CNTN4: variants seen among roughly 807,000 people sequenced by gnomAD.
CNTN4 encodes contactin-4.
CNTN4 carries 77 observed loss-of-function variants against 122.5 expected under a neutral mutation model. The observed-to-expected ratio is 0.63, with a 90% CI of 0.52 to 0.76. The LOEUF is 0.76. Ranked by LOEUF, CNTN4 falls within the 30% of genes least tolerant of loss-of-function variation. CNTN4 has a pLI of 0.00. For synonymous variants in CNTN4, 512 were observed against 447.0 expected, an observed-to-expected ratio of 1.15 and a Z score of -1.83; for missense variants, 1,256 against 1,259.1, an observed-to-expected ratio of 1.00 and a Z score of 0.04.
chr3:2,783,159 C>G (rs1559499182), intron 6 of CNTN4, among the ~76,000 whole-genome samples: 1 of 150,862 alleles, frequency 6.6e-6, no homozygotes, highest in Non-Finnish European at 1.5e-5. Context: ...AGTGGTGGTA[C>G]ATGTCTGTAG....
intron 2 of CNTN4, among the ~76,000 whole-genome samples, chr3:2,104,782 C>G (rs749680329): frequency 6.6e-6 from 1 of 152,172 alleles, no homozygotes; most frequent in African/African-American, 2.4e-5. Flanking sequence ...ACTAGCCAGT[C>G]TTTGTCACAG....
At chr3:2,654,882 T>C (rs2083515948) in intron 4 of CNTN4, among the ~76,000 whole-genome samples, 1 of 152,138 alleles carries the variant, frequency 6.6e-6, no homozygotes, top group South Asian at 2.1e-4. Context: ...CACTAGCTAG[T>C]ATGCCCCAGA....
At chr3:2,705,614 T>A (rs866064703) in intron 4 of CNTN4, among the ~76,000 whole-genome samples, 6,746 of 43,728 alleles carry the variant, frequency 0.15, 283 homozygotes, top group Middle Eastern at 0.22. Flanking sequence ...TTTATATATT[T>A]ATATATAATA....
At chr3:2,197,039 C>T (rs1347622722) in intron 2 of CNTN4, among the ~76,000 whole-genome samples, 2 of 131,814 alleles carry the variant, frequency 1.5e-5, no homozygotes, top group East Asian at 4.6e-4. Flanking sequence ...GAGCGAAACT[C>T]GGTCTCACCA....
At chr3:2,853,582 G>C (rs2093582669) in intron 7 of CNTN4, among the ~76,000 whole-genome samples, 1 of 152,004 alleles carries the variant, frequency 6.6e-6, no homozygotes, top group Non-Finnish European at 1.5e-5. Flanking sequence ...TACCTGAATA[G>C]AATATTTCTT....
chr3:2,268,035 G>T (rs1303509919), intron 2 of CNTN4, among the ~76,000 whole-genome samples: 2 of 152,066 alleles, frequency 1.3e-5, no homozygotes, highest in African/African-American at 4.8e-5. Flanking sequence ...AATGGATGTG[G>T]GCTGTGAGAA....
chr3:2,441,004 T>A lies in CNTN4; in HGVS notation c.-89+101771T>A, dbSNP rs111829250. ...ATGTGTGTATATGTATATGTGTGTA[T>A]ATATATATAAAGGTTAAATGAGTAT... On this transcript the variant is annotated intron_variant, in intron 3 of 24. Transcript: ENST00000418658. Among the ~76,000 whole-genome samples the A allele has an allele frequency of 3.9e-3, 583 of 151,126 alleles. 4 individuals carry two copies. Among genetic ancestry groups the A allele is most frequent in the African/African-American group, 0.014 (570 of 41,290 alleles).
Position 2,628,351 on chromosome 3 carries a change from G to A in CNTN4, c.55+56793G>A, listed in dbSNP as rs546988729. On this transcript the variant is annotated intron_variant, in intron 4 of 24. Transcript: ENST00000418658. ...AGCAGGGGCAGGAGGCCGTAGCTGT[G>A]TGTGTGTGAGCTGGAGTAGGACACC... 2.2e-4 allele frequency among the ~76,000 whole-genome samples: 33 copies of A among 152,232 alleles called. 1 individual carries two copies. Among genetic ancestry groups the A allele is most frequent in the Non-Finnish European group, 4.3e-4 (29 of 68,046 alleles).
intron 3 of CNTN4, among the ~76,000 whole-genome samples, chr3:2,550,363 TG>T (rs1553555371): frequency 6.6e-6 from 1 of 152,164 alleles, no homozygotes; most frequent in Non-Finnish European, 1.5e-5. Context: ...TCATCATCAC[TG>T]GTCATTAGAG....
intron 2 of CNTN4, among the ~76,000 whole-genome samples, chr3:2,265,491 T>A (rs188651729): frequency 6.6e-6 from 1 of 152,204 alleles, no homozygotes; most frequent in Admixed American, 6.6e-5. Flanking sequence ...AATCACATAG[T>A]ATGATGCCTC....
At chr3:2,399,654 C>T (rs1339322102) in intron 3 of CNTN4, among the ~76,000 whole-genome samples, 1 of 151,966 alleles carries the variant, frequency 6.6e-6, no homozygotes, top group East Asian at 1.9e-4. Flanking sequence ...ATTCACCCTC[C>T]ATATACTAAA....
chr3:2,953,385 TC>T (rs2094766017), intron 13 of CNTN4, among the ~76,000 whole-genome samples: 1 of 151,868 alleles, frequency 6.6e-6, no homozygotes, highest in South Asian at 2.1e-4. Flanking sequence ...CGCTCCTCCC[TC>T]TGAAATCCTT....
intron 4 of CNTN4, among the ~76,000 whole-genome samples, chr3:2,650,855 C>T (rs539191081): frequency 3.7e-4 from 56 of 152,240 alleles, no homozygotes; most frequent in African/African-American, 1.3e-3. Flanking sequence ...AACCAAAAAA[C>T]TTGCGTGGCT....
intron 2 of CNTN4, among the ~76,000 whole-genome samples, chr3:2,218,125 C>T (rs1575105104): frequency 6.6e-6 from 1 of 152,114 alleles, no homozygotes. Flanking sequence ...TGTATACAGG[C>T]ATGAGAGAGG....
At chr3:2,384,799 C>T (rs1305686627) in intron 3 of CNTN4, among the ~76,000 whole-genome samples, 2 of 151,714 alleles carry the variant, frequency 1.3e-5, no homozygotes, top group Non-Finnish European at 2.9e-5. Context: ...TTCATGTTAC[C>T]TCTACATTAT....
intron 3 of CNTN4, among the ~76,000 whole-genome samples, chr3:2,384,533 A>G (rs745529557): frequency 8.5e-5 from 13 of 152,244 alleles, no homozygotes; most frequent in Non-Finnish European, 1.5e-4. Flanking sequence ...TTCTAACACA[A>G]TAGATTGGGA....
intron 3 of CNTN4, among the ~76,000 whole-genome samples, chr3:2,365,281 A>G (rs549917636): frequency 1.3e-5 from 2 of 152,174 alleles, no homozygotes; most frequent in Admixed American, 1.3e-4. Flanking sequence ...CCTGCCTGAA[A>G]CACAGCTCCT....
At chr3:2,844,000 ATCTG>A (rs1043699908) in intron 7 of CNTN4, among the ~76,000 whole-genome samples, 4 of 152,148 alleles carry the variant, frequency 2.6e-5, no homozygotes, top group African/African-American at 9.7e-5. Context: ...GCCCCTGGCC[ATCTG>A]TCCGTCATTA....
intron 10 of CNTN4, among the ~76,000 whole-genome samples, chr3:2,893,757 A>AT (rs1427007124): frequency 1.3e-5 from 2 of 152,106 alleles, no homozygotes; most frequent in Non-Finnish European, 2.9e-5. Context: ...TCACAGTTAC[A>AT]TTTTTTTATT....
Sources: allele counts gnomAD v4.1 joint callset (sites outside exome capture counted in the v4.1 genomes callset), GRCh38; gene constraint gnomAD v4.1.1; transcripts MANE v1.5; gene names NCBI Gene and HGNC (gene_info 2026-07-23, HGNC 2026-07-21).